PPP1R13L: variants seen among roughly 807,000 people sequenced by gnomAD.
PPP1R13L encodes protein phosphatase 1 regulatory subunit 13 like, also known as relA-associated inhibitor.
A neutral mutation model predicts 80.9 loss-of-function variants in PPP1R13L; 50 were observed. The observed-to-expected ratio is 0.62, with a 90% CI of 0.49 to 0.78. The LOEUF (loss-of-function observed/expected upper bound fraction) is 0.78, where lower values mean the gene tolerates loss of function less well. PPP1R13L is among the 30% of genes least tolerant of loss of function. PPP1R13L has a pLI of 0.00. For missense variants in PPP1R13L, 1,200 were observed against 1,205.9 expected (o/e 1.00, Z 0.07); for synonymous variants, 602 against 534.3 (o/e 1.13, Z -1.75).
chr19:45,380,851 G>GAA (rs35317723), intron 12 of PPP1R13L, among the ~76,000 whole-genome samples: 27 of 142,636 alleles, frequency 1.9e-4, no homozygotes, highest in Middle Eastern at 3.6e-3. Flanking sequence ...CACACACACA[G>GAA]AAAAAAAAAA....
chr19:45,387,941 G>T (rs1362435095), intron 8 of PPP1R13L, among the ~76,000 whole-genome samples: 2 of 152,086 alleles, frequency 1.3e-5, no homozygotes, highest in Non-Finnish European at 2.9e-5. Context: ...GAGGAGAGTG[G>T]ATCACCTGAG....
chr19:45,395,154 C>T (rs540735027), intron 7 of PPP1R13L: 69 of 442,792 alleles, frequency 1.6e-4, no homozygotes, highest in African/African-American at 1.3e-3. Context: ...CCATTATTTC[C>T]CTTTTACACT....
chr19:45,398,413 G>A (rs1359853039), intron 1 of PPP1R13L, 74 bp from the exon 2 acceptor site: 4 of 1,432,798 alleles, frequency 2.8e-6, no homozygotes, highest in East Asian at 4.8e-5. Flanking sequence ...GTCAGACGCC[G>A]TCAGGAGCGG....
At position 45,396,250 on chromosome 19, in the gene PPP1R13L, A is replaced by C. The variant is rs1568560097; in HGVS notation, c.821T>G (p.Val274Gly). 5 of 1,610,992 alleles carry C rather than the reference A, an allele frequency of 3.1e-6. No individual in the cohort carries two copies. The highest frequency in any genetic ancestry group is 3.4e-6 in the Non-Finnish European group (4 of 1,179,590). The change falls in exon 6 of 13, where the codon GTC becomes GGC. Residue 274 changes from valine (V) to glycine (G), a missense_variant. This residue lies in a region of PPP1R13L where 764 missense variants were observed against 714.5 expected (regional missense o/e 1.07). Transcript: ENST00000360957. This position sits in a 1 kb window ranked among gnomAD's most constrained non-coding sequence, Gnocchi z 5.3. ...GCTCGGCGAGGCAGGCCTTGCGAAGACGTCCAGGCCTGCGGGGCGGGAATC... is the reference window on the plus strand; with the variant it reads ...GCTCGGCGAGGCAGGCCTTGCGAAGCCGTCCAGGCCTGCGGGGCGGGAATC... ...SQTASYERLDVFARPASPSLQ... is the reference protein window; with the variant it reads ...SQTASYERLDGFARPASPSLQ...
chr19:45,396,239 G>C lies in PPP1R13L; in HGVS notation c.832C>G (p.Pro278Ala). Residue 278 changes from proline (P) to alanine (A), a missense_variant, in exon 6 of 13, where the codon CCT becomes GCT. Physicochemically the swap from Pro to Ala is conservative, Grantham distance 27. This residue lies in a region of PPP1R13L where 764 missense variants were observed against 714.5 expected (regional missense o/e 1.07). Transcript: ENST00000360957. This position sits in a 1 kb window ranked among gnomAD's most constrained non-coding sequence, Gnocchi z 5.3. ...AACAGCTGCAGGCTCGGCGAGGCAG[G>C]CCTTGCGAAGACGTCCAGGCCTGCG... is the stretch of plus-strand genomic sequence containing the variant. ...SYERLDVFAR[P>A]ASPSLQLLPW... is the part of the protein sequence containing the mutation. The C allele has an allele frequency of 6.2e-7, 1 of 1,610,246 alleles. No individual in the cohort carries two copies. The highest frequency in any genetic ancestry group is 8.5e-7 in the Non-Finnish European group (1 of 1,179,396).
chr19:45,403,172 G>A (rs1464679131), intron 1 of PPP1R13L, among the ~76,000 whole-genome samples: 1 of 152,174 alleles, frequency 6.6e-6, no homozygotes, highest in African/African-American at 2.4e-5. Context: ...TTTATAAGCC[G>A]TGATTAGAAC....
intron 1 of PPP1R13L, among the ~76,000 whole-genome samples, chr19:45,398,691 G>A (rs1459265631): frequency 6.6e-6 from 1 of 150,954 alleles, no homozygotes; most frequent in African/African-American, 2.4e-5. Context: ...CCGCCTCCCG[G>A]GTTCAAGCAA....
intron 1 of PPP1R13L, among the ~76,000 whole-genome samples, 156 bp from the exon 2 acceptor site, chr19:45,398,495 A>G (rs552784315): frequency 2.7e-5 from 4 of 148,378 alleles, no homozygotes; most frequent in East Asian, 2.0e-4. Flanking sequence ...GGAAATGCCA[A>G]CTCCTCCAAA....
chr19:45,385,407 C>T lies in PPP1R13L; in HGVS notation c.2248+155G>A, dbSNP rs1040834207. Among the ~76,000 whole-genome samples the T allele has an allele frequency of 3.3e-5, 5 of 152,356 alleles. No individual in the cohort carries two copies. In the East Asian group the frequency reaches 5.8e-4, roughly 18 times the overall value. ...TAGGAGGGCATAGTCCCCCCACCCC[C>T]GCAAGCGGTCCATCCCTCATCCTCC... On this transcript the variant is annotated intron_variant, in intron 11 of 12. Coordinates refer to ENST00000360957, the MANE Select transcript of PPP1R13L (RefSeq NM_006663.4).
intron 3 of PPP1R13L, among the ~76,000 whole-genome samples, chr19:45,397,354 T>TTCTTTCTTTCTTTC (rs1172162552): frequency 6.7e-6 from 1 of 149,734 alleles, no homozygotes; most frequent in East Asian, 1.9e-4. Context: ...TTCTATTTCT[T>TTCTTTCTTTCTTTC]TCTTTCTTTC....
Position 45,393,771 on chromosome 19 carries a change from G to T in PPP1R13L, c.1355-1431C>A, listed in dbSNP as rs540448940. Among the ~76,000 whole-genome samples, 229 of 152,206 alleles carry T rather than the reference G, an allele frequency of 1.5e-3. 1 individual carries two copies. Among genetic ancestry groups the T allele is most frequent in the African/African-American group, 5.0e-3 (208 of 41,520 alleles). On this transcript the variant is annotated intron_variant, in intron 7 of 12. Coordinates refer to ENST00000360957, the MANE Select transcript of PPP1R13L (RefSeq NM_006663.4). ...GCCTGTAGTCCCAGCCACTCGGGAG[G>T]CTGAGGCAGGAGAATGGCGTGAACC...
In PPP1R13L at chr19:45,396,762, C is replaced by A; in HGVS notation, c.495G>T (p.Pro165=). ...RAPSPRPGPG[P]LRQQGPPTPF... is the part of the protein sequence containing the mutation. ...GCGTGGGGGGACCCTGCTGGCGGAG[C>A]GGGCCTGGCCCGGGCCGCGGGGAGG... Residue 165 remains proline, a synonymous_variant, in exon 4 of 13, where the codon CCG becomes CCT. Transcript: ENST00000360957. This position sits in a 1 kb window ranked among gnomAD's most constrained non-coding sequence, Gnocchi z 5.3. 1 of 1,344,262 alleles carries A rather than the reference C, an allele frequency of 7.4e-7. No individual in the cohort carries two copies. The highest frequency in any genetic ancestry group is 9.5e-7 in the Non-Finnish European group (1 of 1,057,730). The allele number at this position is 1,344,262 out of a possible 1,614,324, so 83.3% of individuals were successfully genotyped here.
At position 45,398,290 on chromosome 19, in the gene PPP1R13L, C is replaced by G; in HGVS notation, c.29G>C (p.Arg10Pro). Residue 10 changes from arginine (R) to proline (P), a missense_variant, in exon 2 of 13, where the codon CGG becomes CCG. Around this residue, in one of 5 missense-constraint regions of PPP1R13L, gnomAD observed 764 missense variants for 714.5 expected, o/e 1.07. Coordinates refer to ENST00000360957, the MANE Select transcript of PPP1R13L (RefSeq NM_006663.4). MDSEAFQSA[R>P]DFLDMNFQSL... ...CTGGAAGTTCATGTCCAGAAAGTCCCGCGCGCTCTGGAATGCCTCGCTGTC... is the reference window on the plus strand; with the variant it reads ...CTGGAAGTTCATGTCCAGAAAGTCCGGCGCGCTCTGGAATGCCTCGCTGTC... 1 of 1,613,948 alleles carries G rather than the reference C, an allele frequency of 6.2e-7. No homozygotes were observed.
rs761259410 is a variant in PPP1R13L at position 45,396,741 on chromosome 19, G to C, written c.516C>G (p.Pro172=). 1.5e-6 allele frequency: 2 copies of C among 1,371,044 alleles called. No homozygotes were observed. The highest frequency in any genetic ancestry group is 1.9e-6 in the Non-Finnish European group (2 of 1,071,808). The allele number at this position is 1,371,044 out of a possible 1,614,324, so 84.9% of individuals were successfully genotyped here. Residue 172 remains proline (P), a synonymous_variant, in exon 4 of 13, where the codon CCC becomes CCG. Transcript: ENST00000360957. This position sits in a 1 kb window ranked among gnomAD's most constrained non-coding sequence, Gnocchi z 5.3. ...CGCGGCCCAGGAAGTCGAAAGGCGT[G>C]GGGGGACCCTGCTGGCGGAGCGGGC... ...GPGPLRQQGP[P]TPFDFLGRAG...
intron 1 of PPP1R13L, among the ~76,000 whole-genome samples, chr19:45,400,321 A>T (rs1471107327): frequency 6.6e-6 from 1 of 151,914 alleles, no homozygotes. Flanking sequence ...CTAGGCCACT[A>T]GGAACCGGTC....
At chr19:45,395,919 TGAGA>T in intron 6 of PPP1R13L, 33 bp from the exon 7 acceptor site, 1 of 1,520,682 alleles carries the variant, frequency 6.6e-7, no homozygotes, top group Non-Finnish European at 8.9e-7. Context: ...GGGGATCGGG[TGAGA>T]GAGGGAAGGT....
chr19:45,391,854 C>G, intron 8 of PPP1R13L, 26 bp downstream of exon 8: 1 of 1,433,360 alleles, frequency 7.0e-7, no homozygotes, highest in African/African-American at 1.4e-5. Context: ...AGCAAACATA[C>G]CCCGGTTTCC....
At position 45,382,594 on chromosome 19, in the gene PPP1R13L, T is replaced by A. The variant is rs1223577772; in HGVS notation, c.2381A>T (p.Glu794Val). 4 of 1,613,556 alleles carry A rather than the reference T, an allele frequency of 2.5e-6. No homozygotes were observed. The highest frequency in any genetic ancestry group is 3.4e-6 in the Non-Finnish European group (4 of 1,179,956). The change falls in exon 12 of 13, where the codon GAG (glutamate) becomes GTG (valine). Residue 794 changes from glutamate to valine, a missense_variant. Physicochemically the swap from Glu to Val is moderately radical, Grantham distance 121 (BLOSUM62 -2). This residue lies in a region of PPP1R13L where 165 missense variants were observed against 177.1 expected (regional missense o/e 0.93). Transcript: ENST00000360957. ...CGCGGCCCACCACCAGTCGGTCTCC[T>A]CCGGCCCGTCCCTCCGCAGCACGGT... ...SVTVLRRDGP[E>V]ETDWWWAALH...
At chr19:45,380,264 C>T in intron 12 of PPP1R13L, 36 bp from the exon 13 acceptor site, 1 of 1,612,374 alleles carries the variant, frequency 6.2e-7, no homozygotes, top group Non-Finnish European at 8.5e-7. Flanking sequence ...ATCAGGAGCT[C>T]CCACCTCCTC....
Sources: allele counts gnomAD v4.1 joint callset (sites outside exome capture counted in the v4.1 genomes callset), GRCh38; gene constraint gnomAD v4.1.1; regional missense constraint gnomAD v4.1.1; non-coding constraint Gnocchi (gnomAD v3.1); transcripts MANE v1.5; gene names NCBI Gene and HGNC (gene_info 2026-07-23, HGNC 2026-07-21).